Variants in HECTD2 observed in about 807,000 individuals in gnomAD.
HECTD2 encodes HECT domain E3 ubiquitin protein ligase 2, also known as probable E3 ubiquitin-protein ligase HECTD2.
HECTD2 carries 35 observed loss-of-function variants against 103.2 expected under a neutral mutation model. The observed-to-expected ratio is 0.34, with a 90% CI of 0.26 to 0.45. The LOEUF is 0.45. Ranked by LOEUF, HECTD2 falls within the 20% of genes least tolerant of loss-of-function variation. The pLI is 1.00. For missense variants in HECTD2, 596 were observed against 937.4 expected, an observed-to-expected ratio of 0.64 and a Z score of 4.76; for synonymous variants, 281 against 329.9, an observed-to-expected ratio of 0.85 and a Z score of 1.61.
chr10:91,441,778 A>T, intron 2 of HECTD2, among the ~76,000 whole-genome samples: 1 of 94,754 alleles, frequency 1.1e-5, no homozygotes, highest in African/African-American at 4.9e-5. Flanking sequence ...AGGATAGTTA[A>T]TTCTTCTTGT....
intron 20 of HECTD2, among the ~76,000 whole-genome samples, chr10:91,510,855 G>C (rs1365323368): frequency 1.3e-5 from 2 of 152,132 alleles, no homozygotes; most frequent in Non-Finnish European, 2.9e-5. Context: ...TTTTAAGTCA[G>C]ACTGATCTGG....
At chr10:91,428,606 T>C (rs1303746141) in intron 2 of HECTD2, among the ~76,000 whole-genome samples, 1 of 152,176 alleles carries the variant, frequency 6.6e-6, no homozygotes, top group Non-Finnish European at 1.5e-5. Flanking sequence ...CCTTGTAAGT[T>C]GGATTCCTAA....
chr10:91,451,745 A>G (rs1175689116), intron 2 of HECTD2, among the ~76,000 whole-genome samples: 2 of 152,150 alleles, frequency 1.3e-5, no homozygotes, highest in Non-Finnish European at 2.9e-5. Flanking sequence ...TTTGCTTATT[A>G]AAGTTGATGG....
intron 15 of HECTD2, among the ~76,000 whole-genome samples, chr10:91,496,894 GATCA>G: frequency 6.6e-6 from 1 of 150,726 alleles, no homozygotes; most frequent in African/African-American, 2.4e-5. Flanking sequence ...TGAAATATTG[GATCA>G]ATTTTTCTAT....
intron 2 of HECTD2, among the ~76,000 whole-genome samples, chr10:91,456,129 T>TG (rs890507923): frequency 9.9e-5 from 15 of 152,186 alleles, no homozygotes; most frequent in African/African-American, 2.2e-4. Context: ...GGTAGCCTGA[T>TG]GGGGGGGTGG....
At chr10:91,451,584 G>A (rs955940817) in intron 2 of HECTD2, among the ~76,000 whole-genome samples, 5 of 151,976 alleles carry the variant, frequency 3.3e-5, no homozygotes, top group Non-Finnish European at 5.9e-5. Context: ...AAAGTTTGGG[G>A]ACAGCCCAGT....
At chr10:91,465,664 G>GT (rs1026388496) in intron 5 of HECTD2, among the ~76,000 whole-genome samples, 39 of 151,646 alleles carry the variant, frequency 2.6e-4, no homozygotes, top group Admixed American at 1.8e-3. Context: ...TTCATCAACT[G>GT]TTTCTTTTGC....
At position 91,449,798 on chromosome 10, in the gene HECTD2, T is replaced by C. The variant is rs561326766; in HGVS notation, c.269-10629T>C. On this transcript the variant is annotated intron_variant, in intron 2 of 20. Transcript: ENST00000298068. ...CACAATTGCTGCAAAGATAATAAAA[T>C]ACCTAGCAATACAACTTACAAAGTA... Among the ~76,000 whole-genome samples, 3 of 151,740 alleles carry C rather than the reference T, an allele frequency of 2.0e-5. No homozygotes were observed. The East Asian group carries it at 5.8e-4, about 29-fold the overall frequency.
chr10:91,426,782 A>G (rs912238098), intron 2 of HECTD2, among the ~76,000 whole-genome samples: 2 of 151,830 alleles, frequency 1.3e-5, no homozygotes, highest in South Asian at 2.1e-4. Flanking sequence ...GCTTCCATCA[A>G]TGTGTGCTTC....
chr10:91,488,470 C>G (rs1454913551), intron 11 of HECTD2: 1 of 152,058 alleles, frequency 6.6e-6, no homozygotes, highest in African/African-American at 2.4e-5. Context: ...TGTTAGAGCT[C>G]TAAACTATTT....
At chr10:91,502,628 C>T (rs183283309) in intron 20 of HECTD2, among the ~76,000 whole-genome samples, 211 of 151,894 alleles carry the variant, frequency 1.4e-3, no homozygotes, top group East Asian at 0.013. Context: ...AATTAAATTT[C>T]TAAACAAAAT....
chr10:91,484,519 G>T lies in HECTD2; in HGVS notation c.834G>T (p.Lys278Asn). 1.2e-6 allele frequency: 2 copies of T among 1,604,350 alleles called. No individual in the cohort carries two copies. Among genetic ancestry groups the T allele is most frequent in the Non-Finnish European group, 1.7e-6 (2 of 1,177,056 alleles). ...AAATCTTTACCAGATTGTCCCAGAA[G>T]AGGTTCAAACAATTGGTAGAGAGAT... is the stretch of plus-strand genomic sequence containing the variant. ...LVHWFKKLSQ[K>N]RFKQLVERLL... Residue 278 changes from lysine (K) to asparagine (N), a missense_variant, in exon 9 of 21, where the codon AAG becomes AAT. By Grantham distance (94) the Lys-to-Asn change is moderately conservative. This residue lies in a region of HECTD2 where 303 missense variants were observed against 522.5 expected (regional missense o/e 0.58). Coordinates refer to ENST00000298068, the MANE Select transcript of HECTD2 (RefSeq NM_182765.6).
intron 7 of HECTD2, 144 bp downstream of exon 7, chr10:91,481,283 AT>A (rs974440341): frequency 9.6e-5 from 39 of 407,830 alleles, no homozygotes; most frequent in Middle Eastern, 5.2e-4. Context: ...TAACCAGAAG[AT>A]TTTTTTTAAA....
intron 1 of HECTD2, among the ~76,000 whole-genome samples, chr10:91,421,136 A>T (rs1321334624): frequency 6.6e-6 from 1 of 152,012 alleles, no homozygotes; most frequent in Non-Finnish European, 1.5e-5. Context: ...TATTTTGTAT[A>T]GTCCGTGCCA....
intron 2 of HECTD2, among the ~76,000 whole-genome samples, chr10:91,446,172 G>A (rs1844607334): frequency 1.3e-5 from 2 of 151,436 alleles, no homozygotes; most frequent in Admixed American, 1.3e-4. Flanking sequence ...AGCTTCCAGA[G>A]GAAGGAACAG....
chr10:91,477,007 C>T (rs1159438338), intron 5 of HECTD2, among the ~76,000 whole-genome samples: 4 of 151,712 alleles, frequency 2.6e-5, no homozygotes, highest in East Asian at 1.9e-4. Flanking sequence ...GGTGAAACCC[C>T]GTCTCTACTA....
intron 1 of HECTD2, among the ~76,000 whole-genome samples, chr10:91,420,659 G>A (rs1479636104): frequency 2.0e-5 from 3 of 151,956 alleles, no homozygotes; most frequent in African/African-American, 7.3e-5. Flanking sequence ...AGAATTTATT[G>A]GAATGAGGCA....
At position 91,512,254 on chromosome 10, in the gene HECTD2, T is replaced by C; in HGVS notation, c.2211-10T>C. On this transcript the variant is annotated splice_polypyrimidine_tract_variant and intron_variant, in intron 20 of 20. Coordinates refer to ENST00000298068, the MANE Select transcript of HECTD2 (RefSeq NM_182765.6). ...AAGACTTAGTATTTTTTTTTAATTT[T>C]TTTCCCTAGCTTACCTGTGGCCCAT... The C allele has an allele frequency of 6.2e-7, 1 of 1,606,726 alleles. No individual in the cohort carries two copies. Among genetic ancestry groups the C allele is most frequent in the Non-Finnish European group, 8.5e-7 (1 of 1,177,420 alleles).
chr10:91,462,272 T>C (rs1262910685), intron 5 of HECTD2, 88 bp downstream of exon 5: 3 of 1,331,650 alleles, frequency 2.3e-6, no homozygotes, highest in African/African-American at 3.0e-5. Context: ...AATCACCTTA[T>C]AATTACCTTA....
Sources: gnomAD v4.1 joint callset for allele counts (sites outside exome capture counted in the v4.1 genomes callset) on GRCh38, gnomAD v4.1.1 for gene constraint, gnomAD v4.1.1 regional missense constraint, MANE v1.5 for transcripts, NCBI Gene and HGNC (gene_info 2026-07-23, HGNC 2026-07-21) for gene names.